Variants in ZGRF1 observed in about 807,000 individuals in gnomAD.
ZGRF1 encodes 5'-3' DNA helicase ZGRF1.
Under a neutral mutation model 203.5 loss-of-function variants are expected in ZGRF1, and 196 were observed. That is an observed-to-expected ratio of 0.96 (90% CI 0.86 to 1.08). The LOEUF is 1.08. Ranked by LOEUF, ZGRF1 falls within the 50% of genes least tolerant of loss-of-function variation. The probability of loss-of-function intolerance (pLI) is 0.00; values close to 1 mark genes in which losing one functional copy is unlikely to be tolerated. For synonymous variants in ZGRF1, 809 were observed against 841.3 expected (o/e 0.96, Z 0.66); for missense variants, 2,326 against 2,416.3 (o/e 0.96, Z 0.78).
At position 112,585,638 on chromosome 4, in the gene ZGRF1, T is replaced by C. The variant is rs1465379918; in HGVS notation, c.4004A>G (p.Lys1335Arg). 5 of 1,611,154 alleles carry C rather than the reference T, an allele frequency of 3.1e-6. No homozygotes were observed. The highest frequency in any genetic ancestry group is 4.2e-6 in the Non-Finnish European group (5 of 1,178,594). The change falls in exon 14 of 28, where the codon AAG becomes AGG. Residue 1335 changes from lysine (K) to arginine (R), a missense_variant. Lys to Arg is a conservative substitution (Grantham distance 26). Transcript: ENST00000505019. ...TTCTGCGTTTTTCAGTTTCTCTCCC[T>C]TCAATGATGTATAAAATGATATGTC... Reference protein sequence around the residue: ...KVDISFYTSLKGEKLKNAENN... With the variant: ...KVDISFYTSLRGEKLKNAENN...
intron 19 of ZGRF1, among the ~76,000 whole-genome samples, chr4:112,560,286 T>C (rs761554731): frequency 7.2e-5 from 11 of 152,176 alleles, no homozygotes; most frequent in Non-Finnish European, 1.2e-4. Flanking sequence ...GGCAGGATAT[T>C]GAAAGCAGTT....
At chr4:112,552,759 CA>C in intron 22 of ZGRF1, among the ~76,000 whole-genome samples, 1 of 152,162 alleles carries the variant, frequency 6.6e-6, no homozygotes, top group Non-Finnish European at 1.5e-5. Context: ...CACCCTTTGC[CA>C]TGTTACTTGG....
chr4:112,608,902 T>A (rs1043449996), intron 8 of ZGRF1, among the ~76,000 whole-genome samples: 2 of 152,176 alleles, frequency 1.3e-5, no homozygotes, highest in African/African-American at 4.8e-5. Flanking sequence ...AAGAATTTGT[T>A]ATTTAACCAA....
chr4:112,540,805 A>G lies in ZGRF1; in HGVS notation c.5910+16T>C, dbSNP rs762211849. 11 of 1,568,168 alleles carry G rather than the reference A, an allele frequency of 7.0e-6. No individual in the cohort carries two copies. In the South Asian group the frequency reaches 1.3e-4, roughly 18 times the overall value. On this transcript the variant is annotated intron_variant, in intron 26 of 27. Coordinates refer to ENST00000505019, the MANE Select transcript of ZGRF1 (RefSeq NM_018392.5). ...ATATTTAATATATGGCAAATACTGT[A>G]ATACATAATACCAACCTTGTACATC...
rs201581385 is a variant in ZGRF1 at position 112,586,453 on chromosome 4, C to T, written c.3908G>A (p.Cys1303Tyr). 3.7e-6 allele frequency: 6 copies of T among 1,608,026 alleles called. No homozygotes were observed. In the South Asian group the frequency reaches 5.5e-5, roughly 15 times the overall value. ...AAACACAACAGCCATACCTATGAGGCAAGATGTGAAAGTCTGCTTATAATG... is the reference window on the plus strand; with the variant it reads ...AAACACAACAGCCATACCTATGAGGTAAGATGTGAAAGTCTGCTTATAATG... ...PAHYKQTFTSCLIEHLNILLF... is the reference protein window; with the variant it reads ...PAHYKQTFTSYLIEHLNILLF... Residue 1303 changes from cysteine to tyrosine, a missense_variant, in exon 13 of 28, where the codon TGC becomes TAC. Cys to Tyr is a radical substitution (Grantham distance 194). Coordinates refer to ENST00000505019, the MANE Select transcript of ZGRF1 (RefSeq NM_018392.5).
intron 24 of ZGRF1, among the ~76,000 whole-genome samples, chr4:112,545,617 A>G (rs907680495): frequency 7.2e-5 from 11 of 152,206 alleles, no homozygotes; most frequent in Non-Finnish European, 1.2e-4. Context: ...TGACTCAACA[A>G]TTATACTTCT....
At position 112,581,707 on chromosome 4, in the gene ZGRF1, T is replaced by G; in HGVS notation, c.4394A>C (p.Tyr1465Ser). Reference sequence around the variant, plus strand: ...TCTTTCCTTCCGACTTAGCTTAAGATAAAGTTTGGTTTTTGGTTCATTATA... The same window carrying G: ...TCTTTCCTTCCGACTTAGCTTAAGAGAAAGTTTGGTTTTTGGTTCATTATA... ...EFYNEPKTKL[Y>S]LKLSRKERSS... Residue 1465 changes from tyrosine to serine, a missense_variant, in exon 16 of 28, where the codon TAT becomes TCT. By Grantham distance (144) the Tyr-to-Ser change is moderately radical. Coordinates refer to ENST00000505019, the MANE Select transcript of ZGRF1 (RefSeq NM_018392.5). 6.3e-7 allele frequency: 1 copy of G among 1,583,964 alleles called. No homozygotes were observed. The highest frequency in any genetic ancestry group is 8.6e-7 in the Non-Finnish European group (1 of 1,169,280).
At chr4:112,591,339 C>G (rs900084741) in intron 10 of ZGRF1, among the ~76,000 whole-genome samples, 1 of 152,106 alleles carries the variant, frequency 6.6e-6, no homozygotes, top group African/African-American at 2.4e-5. Flanking sequence ...GACTGTATTG[C>G]CTCTTTAATA....
At chr4:112,633,946 G>T (rs924084172) in intron 1 of ZGRF1, among the ~76,000 whole-genome samples, 8 of 152,182 alleles carry the variant, frequency 5.3e-5, no homozygotes, top group Non-Finnish European at 1.5e-5. Context: ...GTCTGGGGTT[G>T]GGGGCCCAGC....
intron 3 of ZGRF1, among the ~76,000 whole-genome samples, chr4:112,626,595 T>C (rs2047246378): frequency 6.6e-6 from 1 of 152,232 alleles, no homozygotes; most frequent in African/African-American, 2.4e-5. Context: ...TGTTCCCTGC[T>C]GTATTTCTTA....
At chr4:112,624,210 G>A (rs2047156077) in intron 3 of ZGRF1, among the ~76,000 whole-genome samples, 1 of 151,844 alleles carries the variant, frequency 6.6e-6, no homozygotes, top group Admixed American at 6.6e-5. Context: ...CTACCAGGAG[G>A]ATATTAGAAT....
chr4:112,589,822 GAAAAGGT>G lies in ZGRF1; in HGVS notation c.3022_3028del (p.Thr1008LeufsTer2). On this transcript the variant is annotated frameshift_variant, in exon 11 of 28. Transcript: ENST00000505019. LOFTEE classifies it high-confidence loss of function. Reference sequence around the variant, plus strand: ...GAAGTCTTCATCTCTTGAGTTCAAAGAAAAGGTAGAAACAGGGCTCAATGTAGAGATG... The same window carrying G: ...GAAGTCTTCATCTCTTGAGTTCAAAGAGAAACAGGGCTCAATGTAGAGATG... The G allele has an allele frequency of 6.2e-7, 1 of 1,613,272 alleles. No homozygotes were observed. Among genetic ancestry groups the G allele is most frequent in the South Asian group, 1.1e-5 (1 of 90,998 alleles).
At position 112,618,005 on chromosome 4, in the gene ZGRF1, CG is replaced by C; in HGVS notation, c.2036del (p.Pro679ArgfsTer7). 6.2e-7 allele frequency: 1 copy of C among 1,612,252 alleles called. No homozygotes were observed. The highest frequency in any genetic ancestry group is 1.1e-5 in the South Asian group (1 of 90,840). On this transcript the variant is annotated frameshift_variant, in exon 6 of 28. Coordinates refer to ENST00000505019, the MANE Select transcript of ZGRF1 (RefSeq NM_018392.5). LOFTEE classifies it high-confidence loss of function. ...VRINYDFALP[P>X]NKSKGINMNL... The stretch of plus-strand genomic sequence containing the variant: ...TCATGTTTATACCTTTAGATTTATT[CG>C]GGGGTAAAGCAAAATCATAGTTAAT...
chr4:112,631,759 T>G (rs2047418430), intron 3 of ZGRF1, among the ~76,000 whole-genome samples, 171 bp downstream of exon 3: 1 of 152,242 alleles, frequency 6.6e-6, no homozygotes, highest in Non-Finnish European at 1.5e-5. Context: ...TGAACTATTT[T>G]TATAACGCAC....
chr4:112,544,988 A>G (rs571899806), intron 24 of ZGRF1, among the ~76,000 whole-genome samples: 4 of 152,310 alleles, frequency 2.6e-5, no homozygotes, highest in African/African-American at 7.2e-5. Flanking sequence ...ACAAAAATTA[A>G]CTCAAAATGG....
intron 10 of ZGRF1, among the ~76,000 whole-genome samples, chr4:112,602,163 A>G (rs995086281): frequency 2.0e-5 from 3 of 152,116 alleles, no homozygotes; most frequent in Non-Finnish European, 1.5e-5. Context: ...AGATCACGCC[A>G]TTGCACTCCA....
At position 112,541,252 on chromosome 4, in the gene ZGRF1, A is replaced by T; in HGVS notation, c.5615T>A (p.Leu1872Gln). Reference protein sequence around the residue: ...RLCLMGHKPILLRTQYRCHPA... With the variant: ...RLCLMGHKPIQLRTQYRCHPA... ...ATGACAACGGTATTGAGTTCTCAAT[A>T]GAATTGGCTTGTGACCCTAAGAAAT... The change falls in exon 25 of 28, where the codon CTA (leucine) becomes CAA (glutamine). Residue 1872 changes from leucine (L) to glutamine (Q), a missense_variant. By Grantham distance (113) the Leu-to-Gln change is moderately radical. Coordinates refer to ENST00000505019, the MANE Select transcript of ZGRF1 (RefSeq NM_018392.5). 1 of 1,572,044 alleles carries T rather than the reference A, an allele frequency of 6.4e-7. No homozygotes were observed. Among genetic ancestry groups the T allele is most frequent in the Non-Finnish European group, 8.7e-7 (1 of 1,155,156 alleles).
At chr4:112,591,594 C>CCTCA (rs1184296018) in intron 10 of ZGRF1, among the ~76,000 whole-genome samples, 1 of 152,124 alleles carries the variant, frequency 6.6e-6, no homozygotes, top group Non-Finnish European at 1.5e-5. Context: ...TCACCCTCCC[C>CCTCA]CTCACTCACT....
Position 112,539,672 on chromosome 4 carries a change from G to A in ZGRF1, c.6190C>T (p.Gln2064Ter). ...TGTGGTTCATACTGGTTTGCATGTT[G>A]CAATCCATCTTCCCTTCCTTAAAAA... ...QHCEGREDGL[Q>*]HANQYEPQLN... The change falls in exon 28 of 28, where the codon CAA becomes TAA. Residue 2064 changes from glutamine (Q) to a stop codon, truncating the protein, a stop_gained. Coordinates refer to ENST00000505019, the MANE Select transcript of ZGRF1 (RefSeq NM_018392.5). LOFTEE classifies it high-confidence loss of function. 1 of 1,599,132 alleles carries A rather than the reference G, an allele frequency of 6.3e-7. No individual in the cohort carries two copies. The highest frequency in any genetic ancestry group is 1.8e-5 in the Admixed American group (1 of 56,426).
Sources: allele counts gnomAD v4.1 joint callset (sites outside exome capture counted in the v4.1 genomes callset), GRCh38; gene constraint gnomAD v4.1.1; transcripts MANE v1.5; gene names NCBI Gene and HGNC (gene_info 2026-07-23, HGNC 2026-07-21).